SEMA6D: variants seen among roughly 807,000 people sequenced by gnomAD.
The protein encoded by SEMA6D is semaphorin 6D, also known as semaphorin-6D.
In SEMA6D, 35 loss-of-function variants were observed where a neutral mutation model predicts 106.6. The ratio of observed to expected loss-of-function variants is 0.33; its 90% CI spans 0.25 to 0.44. The LOEUF is 0.44. Among genes scored for constraint, SEMA6D ranks in the 20% least tolerant of loss-of-function variants. The probability of loss-of-function intolerance (pLI) is 1.00; values close to 1 mark genes in which losing one functional copy is unlikely to be tolerated. For synonymous variants in SEMA6D, 499 were observed against 487.7 expected, an observed-to-expected ratio of 1.02 and a Z score of -0.31; for missense variants, 1,185 against 1,345.9, an observed-to-expected ratio of 0.88 and a Z score of 1.87.
At chr15:47,465,499 T>G (rs2042631516) in intron 2 of SEMA6D, among the ~76,000 whole-genome samples, 1 of 152,186 alleles carries the variant, frequency 6.6e-6, no homozygotes, top group Non-Finnish European at 1.5e-5. Flanking sequence ...TGATATGGTT[T>G]GGATTTGTGT....
At chr15:47,484,522 C>G (rs2043240982) in intron 3 of SEMA6D, among the ~76,000 whole-genome samples, 1 of 152,170 alleles carries the variant, frequency 6.6e-6, no homozygotes, top group Non-Finnish European at 1.5e-5. Flanking sequence ...AGAGGCCACA[C>G]AGCAACTTAG....
At chr15:47,352,996 T>C (rs922850930) in intron 1 of SEMA6D, among the ~76,000 whole-genome samples, 1 of 152,196 alleles carries the variant, frequency 6.6e-6, no homozygotes, top group Non-Finnish European at 1.5e-5. Context: ...TTTATTTAAC[T>C]GTACACAGAT....
At chr15:47,187,415 T>G (rs2140905086) in intron 1 of SEMA6D, among the ~76,000 whole-genome samples, 1 of 152,302 alleles carries the variant, frequency 6.6e-6, no homozygotes, top group Non-Finnish European at 1.5e-5. Flanking sequence ...AACATTGAAA[T>G]CTCATCAAAA....
chr15:47,772,802 TCCCCCC>T lies in SEMA6D; in HGVS notation c.*1022_*1027del, dbSNP rs74779121. ...AGGTTTTATTTTGATTGTGTTCGTT[TCCCCCC>T]CCCCAATAGTAAAATTTCTCCTCCT... is the stretch of plus-strand genomic sequence containing the variant. On this transcript the variant is annotated 3_prime_UTR_variant, in exon 19 of 19. Transcript: ENST00000536845. The T allele has an allele frequency of 9.2e-6, 1 of 108,948 alleles. No individual in the cohort carries two copies. The highest frequency in any genetic ancestry group is 1.8e-5 in the Non-Finnish European group (1 of 55,770). The allele number at this position is 108,948 out of a possible 1,614,324, so 6.7% of individuals were successfully genotyped here.
intron 1 of SEMA6D, chr15:47,718,343 C>G (rs766347535): frequency 6.6e-6 from 1 of 152,294 alleles, no homozygotes; most frequent in Admixed American, 6.5e-5. Flanking sequence ...GGCGCAGCGC[C>G]GCAGTTGAGG....
chr15:47,395,096 T>C (rs1417635436), intron 1 of SEMA6D, among the ~76,000 whole-genome samples: 2 of 152,172 alleles, frequency 1.3e-5, no homozygotes, highest in East Asian at 1.9e-4. Context: ...AAGGTATATC[T>C]GATCTATAAG....
chr15:47,517,152 C>T (rs12324655), intron 3 of SEMA6D, among the ~76,000 whole-genome samples: 2 of 152,120 alleles, frequency 1.3e-5, no homozygotes, highest in African/African-American at 2.4e-5. Flanking sequence ...ATCTATTACT[C>T]TTAGGACTTC....
chr15:47,710,084 A>G (rs115768704), intron 4 of SEMA6D, among the ~76,000 whole-genome samples: 3,622 of 152,300 alleles, frequency 0.024, 123 homozygotes, highest in African/African-American at 0.083. Context: ...TAGCCTAACC[A>G]AAAGATCTAA....
At chr15:47,208,039 ACACACACACACT>A (rs1895224307) in intron 1 of SEMA6D, among the ~76,000 whole-genome samples, 1 of 140,494 alleles carries the variant, frequency 7.1e-6, no homozygotes, top group African/African-American at 2.8e-5. Flanking sequence ...ACACACACAC[ACACACACACACT>A]ACTGTAACGG....
At chr15:47,192,273 A>G (rs1174040507) in intron 1 of SEMA6D, among the ~76,000 whole-genome samples, 1 of 152,170 alleles carries the variant, frequency 6.6e-6, no homozygotes, top group East Asian at 1.9e-4. Context: ...TGCCACATCT[A>G]TCCATCTACC....
chr15:47,538,789 A>G lies in SEMA6D; in HGVS notation c.-86-62076A>G, dbSNP rs1417252794. 2.0e-5 allele frequency among the ~76,000 whole-genome samples: 3 copies of G among 152,256 alleles called. No individual in the cohort carries two copies. In the East Asian group the frequency reaches 5.8e-4, roughly 29 times the overall value. On this transcript the variant is annotated intron_variant, in intron 3 of 19. Transcript: ENST00000558014. ...TGTCAAAAAATCTACATAAAATTAT[A>G]ATTTCATGTCAGAACTTTGATGTAT...
At chr15:47,272,634 C>G (rs1274774172) in intron 1 of SEMA6D, 1 of 152,618 alleles carries the variant, frequency 6.6e-6, no homozygotes, top group Non-Finnish European at 1.5e-5. Context: ...TCTGTCACCT[C>G]ATTGATTGCC....
rs371308825 is a variant in SEMA6D, at chr15:47,771,612, G to C, written c.3049G>C (p.Val1017Leu). 1.2e-6 allele frequency: 2 copies of C among 1,614,014 alleles called. No individual in the cohort carries two copies. The highest frequency in any genetic ancestry group is 1.7e-6 in the Non-Finnish European group (2 of 1,179,990). The part of the protein sequence containing the change: ...AKVDYIQGTP[V>L]SVHLQPSLSR... ...GGTGGACTATATTCAGGGAACACCA[G>C]TGAGTGTTCATCTGCAGCCTTCCCT... The change falls in exon 19 of 19, where the codon GTG becomes CTG. Residue 1017 changes from valine (V) to leucine (L), a missense_variant. This residue lies in a region of SEMA6D where 750 missense variants were observed against 783.5 expected (regional missense o/e 0.96). Coordinates refer to ENST00000536845, the MANE Select transcript of SEMA6D (RefSeq NM_001358351.3).
At chr15:47,609,807 C>A (rs1254316288) in intron 4 of SEMA6D, among the ~76,000 whole-genome samples, 1 of 152,206 alleles carries the variant, frequency 6.6e-6, no homozygotes, top group African/African-American at 2.4e-5. Flanking sequence ...TACTCAGAAG[C>A]AATTTTCTCA....
At chr15:47,388,790 G>A (rs2039932086) in intron 1 of SEMA6D, among the ~76,000 whole-genome samples, 2 of 122,504 alleles carry the variant, frequency 1.6e-5, no homozygotes, top group South Asian at 2.3e-4. Flanking sequence ...TGGAGATGCA[G>A]GAATGAAGAT....
chr15:47,408,454 T>C (rs551945746), intron 1 of SEMA6D, among the ~76,000 whole-genome samples: 9 of 152,364 alleles, frequency 5.9e-5, no homozygotes, highest in African/African-American at 2.2e-4. Context: ...CTGACTTCCT[T>C]CTATATCACA....
chr15:47,764,178 C>G lies in SEMA6D; in HGVS notation c.970C>G (p.Pro324Ala). The G allele has an allele frequency of 1.2e-6, 2 of 1,613,440 alleles. No homozygotes were observed. Among genetic ancestry groups the G allele is most frequent in the Non-Finnish European group, 1.7e-6 (2 of 1,179,660 alleles). Residue 324 changes from proline to alanine, a missense_variant, in exon 11 of 19, where the codon CCT (proline) becomes GCT (alanine). Coordinates refer to ENST00000536845, the MANE Select transcript of SEMA6D (RefSeq NM_001358351.3). ...GVFTTQLNSI[P>A]GSAVCAFSMD... ...GATGATTTTCTTCCTTTTCAGCATC[C>G]CTGGTTCTGCTGTCTGTGCATTTAG...
chr15:47,397,790 C>G (rs914162167), intron 1 of SEMA6D: 2 of 152,160 alleles, frequency 1.3e-5, no homozygotes, highest in African/African-American at 4.8e-5. Flanking sequence ...TGTCATATAT[C>G]CATTATTTCC....
intron 1 of SEMA6D, among the ~76,000 whole-genome samples, chr15:47,207,227 C>A (rs1232013388): frequency 1.3e-5 from 2 of 152,132 alleles, no homozygotes; most frequent in Non-Finnish European, 2.9e-5. Flanking sequence ...TTTAATCTCT[C>A]CATTGACTTG....
Sources: gnomAD v4.1 joint callset for allele counts (sites outside exome capture counted in the v4.1 genomes callset) on GRCh38, gnomAD v4.1.1 for gene constraint, gnomAD v4.1.1 regional missense constraint, MANE v1.5 for transcripts, NCBI Gene and HGNC (gene_info 2026-07-23, HGNC 2026-07-21) for gene names.